The following LAMA3 variants were observed in gnomAD, a reference collection of about 807,000 sequenced individuals.
The protein encoded by LAMA3 is laminin subunit alpha 3.
LAMA3 carries 281 observed loss-of-function variants against 402.0 expected under a neutral mutation model. The observed-to-expected ratio is 0.70, with a 90% CI of 0.63 to 0.77. The LOEUF (loss-of-function observed/expected upper bound fraction) is 0.77. LAMA3 is among the 30% of genes least tolerant of loss of function. LAMA3 has a pLI of 0.00. For synonymous variants in LAMA3, 1,431 were observed against 1,558.4 expected (o/e 0.92, Z 1.93); for missense variants, 3,840 against 4,215.5 (o/e 0.91, Z 2.47).
intron 4 of LAMA3, among the ~76,000 whole-genome samples, chr18:23,750,597 A>G (rs1300704245): frequency 4.6e-5 from 7 of 151,800 alleles, no homozygotes; most frequent in Admixed American, 3.9e-4. Flanking sequence ...ACAGGTTTTA[A>G]CATTATGTTT....
chr18:23,853,831 G>T (rs994901472), intron 32 of LAMA3, among the ~76,000 whole-genome samples: 1 of 152,150 alleles, frequency 6.6e-6, no homozygotes, highest in Non-Finnish European at 1.5e-5. Context: ...AGGCCGACAT[G>T]AGGTCATTTT....
intron 2 of LAMA3, among the ~76,000 whole-genome samples, chr18:23,744,831 C>CAAAAA (rs755527455): frequency 6.4e-5 from 2 of 31,072 alleles, no homozygotes; most frequent in African/African-American, 9.9e-5. Flanking sequence ...GACTCTGTCT[C>CAAAAA]AAAAAAAAAA....
At chr18:23,766,299 A>G (rs1398302777) in intron 8 of LAMA3, among the ~76,000 whole-genome samples, 1 of 152,228 alleles carries the variant, frequency 6.6e-6, no homozygotes, top group African/African-American at 2.4e-5. Flanking sequence ...GCTAAAAGAA[A>G]AAAGAACCAT....
chr18:23,905,578 T>A lies in LAMA3; in HGVS notation c.6672T>A (p.Asp2224Glu). 6.2e-7 allele frequency: 1 copy of A among 1,611,440 alleles called. No homozygotes were observed. Among genetic ancestry groups the A allele is most frequent in the Non-Finnish European group, 8.5e-7 (1 of 1,177,988 alleles). ...CTAAAACCCTGAGTTCCAACAGTGA[T>A]AAACTGTTAAATGAAGCCAAGATGA... ...RKAKTLSSNSDKLLNEAKMTQ... is the reference protein window; with the variant it reads ...RKAKTLSSNSEKLLNEAKMTQ... The change falls in exon 52 of 75, where the codon GAT becomes GAA. Residue 2224 changes from aspartate to glutamate, a missense_variant. By Grantham distance (45) the Asp-to-Glu change is conservative (BLOSUM62 2). Around this residue, in one of 3 missense-constraint regions of LAMA3, gnomAD observed 891 missense variants for 857.5 expected, o/e 1.04. Transcript: ENST00000313654.
At chr18:23,888,380 T>G (rs1840731223) in intron 41 of LAMA3, among the ~76,000 whole-genome samples, 1 of 152,256 alleles carries the variant, frequency 6.6e-6, no homozygotes, top group African/African-American at 2.4e-5. Flanking sequence ...GATTCTTTAT[T>G]ACATTATCTC....
At chr18:23,921,357 G>A (rs2081830354) in intron 61 of LAMA3, 95 bp from the exon 62 acceptor site, 1 of 1,346,452 alleles carries the variant, frequency 7.4e-7, no homozygotes, top group East Asian at 2.4e-5. Flanking sequence ...AATGAATCTG[G>A]GGGAAGATAA....
rs371991850 is a variant in LAMA3, at chr18:23,811,952, C to T, written c.1742-1105C>T. 2.6e-4 allele frequency among the ~76,000 whole-genome samples: 39 copies of T among 152,098 alleles called. 1 individual carries two copies. The highest frequency in any genetic ancestry group is 2.3e-3 in the East Asian group (12 of 5,118). On this transcript the variant is annotated intron_variant, in intron 13 of 74. Transcript: ENST00000313654. The stretch of plus-strand genomic sequence containing the variant: ...GCAGCGGCATGATCTCAGCTCACTG[C>T]GAGCTCTGCCTCACGGGTTCAAGCG...
intron 44 of LAMA3, among the ~76,000 whole-genome samples, chr18:23,897,704 A>G (rs759041836): frequency 6.6e-6 from 1 of 152,208 alleles, no homozygotes. Flanking sequence ...CTATATAATG[A>G]CTTGCCTCCC....
chr18:23,752,907 C>T (rs993156990), intron 5 of LAMA3, among the ~76,000 whole-genome samples: 1 of 152,228 alleles, frequency 6.6e-6, no homozygotes, highest in Admixed American at 6.5e-5. Context: ...GGCAGCATGG[C>T]CTCAATGAGA....
chr18:23,947,298 C>G (rs146524932), intron 70 of LAMA3, among the ~76,000 whole-genome samples: 43 of 152,228 alleles, frequency 2.8e-4, no homozygotes, highest in African/African-American at 1.0e-3. Context: ...TTTGCCTTTC[C>G]CCCCACCCCA....
intron 32 of LAMA3, among the ~76,000 whole-genome samples, chr18:23,849,071 C>T (rs188174070): frequency 6.6e-6 from 1 of 152,328 alleles, no homozygotes; most frequent in Non-Finnish European, 1.5e-5. Context: ...CTGGTATAAC[C>T]TCATCTTAAC....
rs748454512 is a variant in LAMA3 at position 23,899,054 on chromosome 18, G to A, written c.5825G>A (p.Arg1942Gln). The A allele has an allele frequency of 1.2e-5, 19 of 1,611,750 alleles. No individual in the cohort carries two copies. The highest frequency in any genetic ancestry group is 5.0e-5 in the Admixed American group (3 of 59,992). ...GATGTGAAGATTAAAAATGTCATCC[G>A]GAATGTGCACAGTAAGAAGAGTTAT... Reference protein sequence around the residue: ...ELDVKIKNVIRNVHILLKQIS... With the variant: ...ELDVKIKNVIQNVHILLKQIS... Residue 1942 changes from arginine (R) to glutamine (Q), a missense_variant, in exon 46 of 75, where the codon CGG (arginine) becomes CAG (glutamine). Transcript: ENST00000313654.
At chr18:23,898,033 T>C (rs1254828922) in intron 44 of LAMA3, among the ~76,000 whole-genome samples, 3 of 152,088 alleles carry the variant, frequency 2.0e-5, no homozygotes, top group Admixed American at 2.0e-4. Context: ...ATTGAGGTAA[T>C]AATATCATTT....
rs374004500 is a variant in LAMA3, at chr18:23,946,175, G to A, written c.9242G>A (p.Arg3081His). The part of the protein sequence containing the change: ...VVFGHDGEKG[R>H]LVVDGLRARE... ...TTTGGCCATGATGGGGAAAAGGGGC[G>A]CTTGGTTGTGGATGGACTGAGGGCC... Residue 3081 changes from arginine to histidine, a missense_variant, in exon 70 of 75, where the codon CGC (arginine) becomes CAC (histidine). Coordinates refer to ENST00000313654, the MANE Select transcript of LAMA3 (RefSeq NM_198129.4). The A allele has an allele frequency of 6.3e-5, 102 of 1,613,984 alleles. 1 individual carries two copies. In the African/African-American group the frequency reaches 7.1e-4, roughly 11 times the overall value.
intron 73 of LAMA3, among the ~76,000 whole-genome samples, chr18:23,952,172 C>T (rs919651986): frequency 6.6e-6 from 1 of 152,132 alleles, no homozygotes; most frequent in Admixed American, 6.5e-5. Flanking sequence ...TCTTTACCTT[C>T]GGTTTCCTCT....
chr18:23,717,648 G>C (rs1045832293), intron 2 of LAMA3, among the ~76,000 whole-genome samples: 2 of 139,476 alleles, frequency 1.4e-5, no homozygotes, highest in Non-Finnish European at 3.0e-5. Context: ...CGTCTCCCAG[G>C]TTCAAGTGAT....
intron 37 of LAMA3, among the ~76,000 whole-genome samples, chr18:23,870,009 TA>T (rs373440164): frequency 0.012 from 1,676 of 143,138 alleles, 16 homozygotes; most frequent in South Asian, 0.072. Context: ...AAAAATACAT[TA>T]AAAAAAAAAT....
chr18:23,882,559 G>A (rs1239869846), intron 40 of LAMA3, among the ~76,000 whole-genome samples: 2 of 151,184 alleles, frequency 1.3e-5, no homozygotes, highest in Admixed American at 6.6e-5. Context: ...GTAGTGAGCC[G>A]AGATTGTACC....
rs768139693 is a variant in LAMA3, at chr18:23,901,173, C to A, written c.6051C>A (p.Asn2017Lys). The A allele has an allele frequency of 2.5e-6, 4 of 1,614,156 alleles. No individual in the cohort carries two copies. Among genetic ancestry groups the A allele is most frequent in the Non-Finnish European group, 3.4e-6 (4 of 1,180,022 alleles). The part of the protein sequence containing the change: ...RTWQKTHQGE[N>K]NGLANSIRDS... ...GGCAGAAAACCCACCAGGGGGAGAA[C>A]AATGGGCTTGCTAACAGTATCCGGG... The change falls in exon 48 of 75, where the codon AAC becomes AAA. Residue 2017 changes from asparagine (N) to lysine (K), a missense_variant. Asn to Lys is a moderately conservative substitution (Grantham distance 94). This residue lies in a region of LAMA3 where 891 missense variants were observed against 857.5 expected (regional missense o/e 1.04). Transcript: ENST00000313654.
Sources: gnomAD v4.1 joint callset for allele counts (sites outside exome capture counted in the v4.1 genomes callset) on GRCh38, gnomAD v4.1.1 for gene constraint, gnomAD v4.1.1 regional missense constraint, MANE v1.5 for transcripts, NCBI Gene and HGNC (gene_info 2026-07-23, HGNC 2026-07-21) for gene names.